Variants in ANK2 observed in about 807,000 individuals in gnomAD.
The protein encoded by ANK2 is ankyrin 2, also known as ankyrin-2.
Under a neutral mutation model 360.5 loss-of-function variants are expected in ANK2, and 83 were observed. The observed-to-expected ratio is 0.23, with a 90% confidence interval of 0.19 to 0.28. ANK2 has a LOEUF of 0.28. Ranked by LOEUF, ANK2 falls within the 10% of genes least tolerant of loss-of-function variation. The pLI is 1.00. For missense variants in ANK2, 4,201 were observed against 4,795.7 expected (o/e 0.88, Z 3.66); for synonymous variants, 1,740 against 1,759.5 (o/e 0.99, Z 0.28).
chr4:112,795,591 C>T, the ANK2 span, among the ~76,000 whole-genome samples: 1 of 152,126 alleles, frequency 6.6e-6, no homozygotes, highest in South Asian at 2.1e-4. Context: ...GCAACCTCTG[C>T]CTCCTGGGTT....
At chr4:112,957,713 C>G (rs1315547159) in intron 2 of ANK2, among the ~76,000 whole-genome samples, 1 of 151,332 alleles carries the variant, frequency 6.6e-6, no homozygotes, top group African/African-American at 2.4e-5. Flanking sequence ...CACCTCCCTC[C>G]CGGACGGGGT....
chr4:113,127,598 G>A (rs2154375515), intron 1 of ANK2, among the ~76,000 whole-genome samples: 1 of 152,248 alleles, frequency 6.6e-6, no homozygotes, highest in East Asian at 1.9e-4. Flanking sequence ...AGGTGGTAGG[G>A]TTGGCTTAGG....
chr4:113,216,169 A>G (rs1326378137), intron 4 of ANK2, among the ~76,000 whole-genome samples: 56 of 152,186 alleles, frequency 3.7e-4, no homozygotes, highest in Non-Finnish European at 1.9e-4. Context: ...TCATCTTTCA[A>G]TTGACTGAGA....
intron 1 of ANK2, among the ~76,000 whole-genome samples, chr4:113,148,321 A>C (rs1356528852): frequency 2.0e-5 from 3 of 152,164 alleles, no homozygotes; most frequent in Non-Finnish European, 4.4e-5. Context: ...ATAACAAATT[A>C]ATTTGCTTTG....
At chr4:112,787,658 T>C in the ANK2 span, among the ~76,000 whole-genome samples, 1 of 152,152 alleles carries the variant, frequency 6.6e-6, no homozygotes, top group East Asian at 1.9e-4. Context: ...TGCCCTTGGG[T>C]CAGGCCCACT....
the ANK2 span, among the ~76,000 whole-genome samples, chr4:112,809,099 T>G: frequency 6.6e-6 from 1 of 151,616 alleles, no homozygotes; most frequent in African/African-American, 2.4e-5. Context: ...ACTCAGGTAA[T>G]CCACCCACCT....
intron 13 of ANK2, among the ~76,000 whole-genome samples, chr4:113,260,985 C>T (rs535308933): frequency 4.1e-4 from 62 of 152,264 alleles, no homozygotes; most frequent in African/African-American, 1.1e-3. Flanking sequence ...TGTTGTGCTT[C>T]GATGCTTTTC....
chr4:112,938,828 C>T (rs2093969819), intron 2 of ANK2, among the ~76,000 whole-genome samples: 1 of 152,164 alleles, frequency 6.6e-6, no homozygotes, highest in African/African-American at 2.4e-5. Flanking sequence ...CAGCTCATCA[C>T]TGAAATGTTA....
the ANK2 span, among the ~76,000 whole-genome samples, chr4:112,752,051 G>C: frequency 1.3e-5 from 2 of 152,226 alleles, no homozygotes; most frequent in African/African-American, 4.8e-5. Flanking sequence ...ACTGAAGCCA[G>C]TGGTTCTTAT....
intron 2 of ANK2, among the ~76,000 whole-genome samples, chr4:113,189,375 C>T (rs942465473): frequency 6.6e-5 from 10 of 152,164 alleles, no homozygotes; most frequent in Non-Finnish European, 1.2e-4. Context: ...TGGAGAAGAT[C>T]GGAAGTCATT....
At chr4:112,892,970 A>T (rs1179083874) in intron 1 of ANK2, among the ~76,000 whole-genome samples, 1 of 152,076 alleles carries the variant, frequency 6.6e-6, no homozygotes, top group African/African-American at 2.4e-5. Context: ...ATATTTTTAT[A>T]AGTCTTTTAT....
chr4:113,323,704 T>A (rs575769756), intron 26 of ANK2: 173 of 1,546,344 alleles, frequency 1.1e-4, no homozygotes, highest in Middle Eastern at 1.7e-4. Context: ...AGTTCCTTCC[T>A]TATATTTCAC....
chr4:113,068,787 A>G (rs1306330803), intron 1 of ANK2, among the ~76,000 whole-genome samples: 2 of 152,196 alleles, frequency 1.3e-5, no homozygotes, highest in Admixed American at 6.5e-5. Context: ...AGAGCTGGGC[A>G]TGGTGGCTCA....
intron 2 of ANK2, among the ~76,000 whole-genome samples, chr4:112,928,121 T>C (rs2092783297): frequency 1.3e-5 from 2 of 152,218 alleles, no homozygotes; most frequent in Non-Finnish European, 2.9e-5. Context: ...GATAACCTGC[T>C]TATTAAATTT....
intron 2 of ANK2, among the ~76,000 whole-genome samples, chr4:113,028,743 C>T (rs1579413608): frequency 6.6e-6 from 1 of 151,920 alleles, no homozygotes; most frequent in Non-Finnish European, 1.5e-5. Context: ...GGATAAGAAA[C>T]CTAAAATAAA....
chr4:112,879,320 C>T (rs892086153), intron 1 of ANK2, among the ~76,000 whole-genome samples: 1 of 152,146 alleles, frequency 6.6e-6, no homozygotes, highest in African/African-American at 2.4e-5. Flanking sequence ...TTCTCTTGGA[C>T]CACTAGCTCT....
chr4:112,850,319 A>ATTCATCTG (rs1406168066), intron 1 of ANK2, among the ~76,000 whole-genome samples: 4 of 134,196 alleles, frequency 3.0e-5, no homozygotes, highest in Non-Finnish European at 6.4e-5. Context: ...TCATCCATCC[A>ATTCATCTG]TCCATTCATC....
the ANK2 span, among the ~76,000 whole-genome samples, chr4:112,808,517 A>T: frequency 6.6e-6 from 1 of 152,250 alleles, no homozygotes; most frequent in Non-Finnish European, 1.5e-5. Context: ...CTTAAAATTT[A>T]AGTGGGATTA....
At chr4:112,736,215 C>A in the ANK2 span, among the ~76,000 whole-genome samples, 1 of 152,072 alleles carries the variant, frequency 6.6e-6, no homozygotes, top group South Asian at 2.1e-4. Flanking sequence ...GTAATCCCAG[C>A]AGTTTGGGAG....
Sources: gnomAD v4.1 joint callset for allele counts (sites outside exome capture counted in the v4.1 genomes callset) on GRCh38, gnomAD v4.1.1 for gene constraint, MANE v1.5 for transcripts, NCBI Gene and HGNC (gene_info 2026-07-23, HGNC 2026-07-21) for gene names.